Variants in ITFG2 observed in about 807,000 individuals in gnomAD.
The protein encoded by ITFG2 is integrin alpha FG-GAP repeat containing 2.
Under a neutral mutation model 54.4 loss-of-function variants are expected in ITFG2, and 36 were observed. The observed-to-expected ratio is 0.66, with a 90% CI of 0.51 to 0.87. ITFG2 has a LOEUF of 0.87. Ranked by LOEUF, ITFG2 falls within the 40% of genes least tolerant of loss-of-function variation. The pLI, the probability that ITFG2 is intolerant of heterozygous loss-of-function variation, is 0.00. For missense variants in ITFG2, 524 were observed against 576.7 expected (o/e 0.91, Z 0.94); for synonymous variants, 211 against 225.4 (o/e 0.94, Z 0.57).
At chr12:2,835,342 C>A (rs7305549), upstream of ITFG2, 4,377 of 444,054 alleles carry the variant, frequency 9.9e-3, 196 homozygotes, top group African/African-American at 0.092. Flanking sequence ...TCCTCTGCAT[C>A]CCTCCCAGGC....
intron 2 of ITFG2, chr12:2,848,986 G>A: frequency 2.0e-6 from 1 of 498,538 alleles, no homozygotes; most frequent in Non-Finnish European, 3.6e-6. Flanking sequence ...CCAGCCTCCT[G>A]GCCGCAGTCC....
upstream of ITFG2, among the ~76,000 whole-genome samples, chr12:2,833,260 C>T (rs2098012346): frequency 6.6e-6 from 1 of 152,090 alleles, no homozygotes; most frequent in Admixed American, 6.5e-5. Flanking sequence ...TAGGATGGTC[C>T]CCAGTAGGTT....
chr12:2,847,893 T>G (rs1332118425), intron 2 of ITFG2, among the ~76,000 whole-genome samples: 7 of 152,232 alleles, frequency 4.6e-5, no homozygotes. Context: ...ATACTCAATT[T>G]CTTTTTATGG....
chr12:2,838,479 T>C (rs2098033719), intron 1 of ITFG2, among the ~76,000 whole-genome samples: 1 of 151,478 alleles, frequency 6.6e-6, no homozygotes, highest in Admixed American at 6.6e-5. Context: ...CAGGGAAGAG[T>C]AAATGTGCCT....
chr12:2,830,856 G>A (rs1024353851), exon 3 of ITFG2: 12 of 1,611,984 alleles, frequency 7.4e-6, no homozygotes, highest in South Asian at 3.3e-5. Context: ...CACACTGCGC[G>A]GCTGCTGGCT....
chr12:2,829,255 G>A (rs370712425), downstream of ITFG2, among the ~76,000 whole-genome samples: 359 of 152,026 alleles, frequency 2.4e-3, 2 homozygotes, highest in African/African-American at 8.3e-3. Context: ...CAAGAAGTTC[G>A]CTATTGGAAA....
downstream of ITFG2, chr12:2,826,546 T>C (rs2097967981): frequency 6.9e-6 from 1 of 143,934 alleles, no homozygotes; most frequent in South Asian, 2.4e-4. Flanking sequence ...TCCAAGGTTT[T>C]GCACAGGGTA....
At chr12:2,848,877 G>GCACGCACA (rs1555092611) in intron 2 of ITFG2, among the ~76,000 whole-genome samples, 12 of 140,372 alleles carry the variant, frequency 8.5e-5, no homozygotes, top group Non-Finnish European at 1.5e-4. Context: ...ACACACACAC[G>GCACGCACA]CACACACACA....
chr12:2,835,970 G>A (rs1395304940), upstream of ITFG2, among the ~76,000 whole-genome samples: 1 of 152,164 alleles, frequency 6.6e-6, no homozygotes, highest in Non-Finnish European at 1.5e-5. Context: ...CTAGTTAATT[G>A]ACTTCACCTG....
rs371697675 is a variant in ITFG2 at position 2,845,419 on chromosome 12, C to G, written n.300+4424C>G. ...GGGGTTCCCAGTCCCCACAGCTTCC[C>G]GACTCCCTGGCCCCAGCCATTCCTC... On this transcript the variant is annotated intron_variant and non_coding_transcript_variant, in intron 2 of 3. Transcript: ENST00000537710. The surrounding 1 kb of genome is among the most constrained non-coding windows in gnomAD (Gnocchi z 4.2). Among the ~76,000 whole-genome samples, 1 of 152,132 alleles carries G rather than the reference C, an allele frequency of 6.6e-6. No homozygotes were observed. The highest frequency in any genetic ancestry group is 1.5e-5 in the Non-Finnish European group (1 of 68,026).
intron 1 of ITFG2, among the ~76,000 whole-genome samples, chr12:2,838,818 G>A (rs1171195465): frequency 6.6e-6 from 1 of 152,076 alleles, no homozygotes; most frequent in African/African-American, 2.4e-5. Flanking sequence ...CAGAAGAGTG[G>A]GATATATTGT....
chr12:2,858,826 G>A, intron 3 of ITFG2: 2 of 1,614,192 alleles, frequency 1.2e-6, no homozygotes, highest in Admixed American at 1.7e-5. Flanking sequence ...GGGGAGCCTG[G>A]CTTGGGGACG....
At chr12:2,854,637 C>T (rs1418312102) in intron 2 of ITFG2, among the ~76,000 whole-genome samples, 1 of 152,208 alleles carries the variant, frequency 6.6e-6, no homozygotes, top group Non-Finnish European at 1.5e-5. Context: ...CACTGAGTCA[C>T]ACTTCTCTGT....
At chr12:2,859,256 C>T (rs753533687) in intron 3 of ITFG2, 30 of 1,613,574 alleles carry the variant, frequency 1.9e-5, no homozygotes, top group Middle Eastern at 1.6e-4. Flanking sequence ...AGAGCAGCTC[C>T]GGCTCATCCA....
At chr12:2,812,968 C>A in intron 1 of ITFG2, 112 bp downstream of exon 1, 2 of 883,422 alleles carry the variant, frequency 2.3e-6, no homozygotes, top group Non-Finnish European at 3.7e-6. Context: ...CGCGCTGTGG[C>A]TAGTTTGGAG....
At chr12:2,847,861 A>T (rs370119852) in intron 2 of ITFG2, among the ~76,000 whole-genome samples, 2 of 152,134 alleles carry the variant, frequency 1.3e-5, no homozygotes, top group South Asian at 4.1e-4. Context: ...TTCAAGTTTC[A>T]TCCACACTGT....
chr12:2,812,905 G>A (rs1162147987), intron 1 of ITFG2, 49 bp downstream of exon 1: 10 of 1,515,846 alleles, frequency 6.6e-6, no homozygotes, highest in African/African-American at 4.1e-5. Context: ...TGCAGGGACG[G>A]GGCAAGGGAA....
chr12:2,858,713 G>C (rs1165128826), intron 3 of ITFG2: 9 of 1,614,078 alleles, frequency 5.6e-6, no homozygotes. Context: ...GGCCAGGAAA[G>C]CTGATGTCCA....
chr12:2,823,918 C>T lies in ITFG2; in HGVS notation c.1215C>T (p.His405=). 1 of 1,613,318 alleles carries T rather than the reference C, an allele frequency of 6.2e-7. No individual in the cohort carries two copies. The highest frequency in any genetic ancestry group is 8.5e-7 in the Non-Finnish European group (1 of 1,179,576). ...VKLLETKPEY[H]SLLQELGVDP... ...TGCTGGAGACCAAGCCGGAGTACCA[C>T]AGCCTGCTGCAGGAGCTGGGCGTGG... is the stretch of plus-strand genomic sequence containing the variant. Residue 405 remains histidine (H), a synonymous_variant, in exon 11 of 12, where the codon CAC becomes CAT. Transcript: ENST00000228799.
Sources: allele counts gnomAD v4.1 joint callset (sites outside exome capture counted in the v4.1 genomes callset), GRCh38; gene constraint gnomAD v4.1.1; non-coding constraint Gnocchi (gnomAD v3.1); transcripts MANE v1.5; gene names NCBI Gene and HGNC (gene_info 2026-07-23, HGNC 2026-07-21).